The following ENOSF1 variants were observed in gnomAD, a reference collection of about 807,000 sequenced individuals.
The protein encoded by ENOSF1 is mitochondrial enolase superfamily member 1.
ENOSF1 carries 73 observed loss-of-function variants against 68.2 expected under a neutral mutation model. That is an observed-to-expected ratio of 1.07 (90% CI 0.89 to 1.30). The LOEUF is 1.30. Ranked by LOEUF, ENOSF1 falls within the 50% of genes most tolerant of loss-of-function variation. The pLI is 0.00. For missense variants in ENOSF1, 589 were observed against 554.5 expected (o/e 1.06, Z -0.62); for synonymous variants, 223 against 210.4 (o/e 1.06, Z -0.52).
intron 12 of ENOSF1, 129 bp downstream of exon 12, chr18:678,567 G>A: frequency 3.3e-6 from 3 of 899,334 alleles, no homozygotes; most frequent in Non-Finnish European, 5.4e-6. Flanking sequence ...CAGTTTCTAA[G>A]ATGATGAAAA....
In ENOSF1 at chr18:694,279, AC is replaced by A; in HGVS notation, c.364del (p.Val122CysfsTer29). ...HLATAAVLNA[V>X]WDLWAKQEGK... ...CTCCTGCTTGGCCCACAAGTCCCAC[AC>A]CGCGTTTAGGACGGCCGCTGTCGCC... On this transcript the variant is annotated frameshift_variant, in exon 4 of 16. Coordinates refer to ENST00000647584, the MANE Select transcript of ENOSF1 (RefSeq NM_017512.7). LOFTEE classifies it high-confidence loss of function. 6.2e-7 allele frequency: 1 copy of A among 1,614,130 alleles called. No individual in the cohort carries two copies. Among genetic ancestry groups the A allele is most frequent in the South Asian group, 1.1e-5 (1 of 91,074 alleles).
intron 10 of ENOSF1, 105 bp from the exon 11 acceptor site, chr18:683,485 G>A (rs2076305302): frequency 1.5e-6 from 2 of 1,367,206 alleles, no homozygotes; most frequent in Non-Finnish European, 2.0e-6. Flanking sequence ...ACCAACAGCT[G>A]AGTGAGACCC....
chr18:669,521 T>G (rs898652719), downstream of ENOSF1: 4 of 199,324 alleles, frequency 2.0e-5, no homozygotes, highest in African/African-American at 9.3e-5. Context: ...TACAGGCATG[T>G]GCCACCATGC....
At chr18:678,044 CGT>C (rs2144607270) in intron 12 of ENOSF1, 172 bp from the exon 13 acceptor site, 1 of 686,804 alleles carries the variant, frequency 1.5e-6, no homozygotes, top group South Asian at 2.0e-5. Context: ...GCTTTTATAG[CGT>C]GGGCAGGGAC....
intron 2 of ENOSF1, among the ~76,000 whole-genome samples, chr18:703,920 A>G (rs753803538): frequency 3.9e-5 from 6 of 151,966 alleles, no homozygotes; most frequent in Non-Finnish European, 8.8e-5. Context: ...TGGTGACTTA[A>G]AAGTGTGTAG....
At chr18:676,678 C>A (rs1175032995) in intron 14 of ENOSF1, among the ~76,000 whole-genome samples, 1 of 152,090 alleles carries the variant, frequency 6.6e-6, no homozygotes, top group Non-Finnish European at 1.5e-5. Context: ...TAAAATAGTT[C>A]GGCTATATTA....
At chr18:668,525 TG>T (rs1199215115), downstream of ENOSF1, among the ~76,000 whole-genome samples, 7 of 152,200 alleles carry the variant, frequency 4.6e-5, no homozygotes, top group Admixed American at 2.6e-4. Context: ...TGTGTTGAGC[TG>T]CTAAACTCTA....
intron 2 of ENOSF1, among the ~76,000 whole-genome samples, chr18:699,910 T>C (rs1280437824): frequency 6.6e-6 from 1 of 152,138 alleles, no homozygotes; most frequent in African/African-American, 2.4e-5. Flanking sequence ...TGAAACCCCA[T>C]CTCTACTAAA....
chr18:707,110 C>T (rs1161742259), intron 1 of ENOSF1, among the ~76,000 whole-genome samples: 1 of 152,068 alleles, frequency 6.6e-6, no homozygotes, highest in South Asian at 2.1e-4. Flanking sequence ...TGAGCCACCG[C>T]ACCTGGTCGC....
intron 5 of ENOSF1, chr18:692,848 C>T (rs942056116): frequency 1.2e-5 from 13 of 1,081,626 alleles, no homozygotes; most frequent in South Asian, 5.1e-5. Context: ...ATGTCAGAGA[C>T]GATGTGACAG....
chr18:667,201 GGT>G, downstream of ENOSF1, among the ~76,000 whole-genome samples: 1 of 86,714 alleles, frequency 1.2e-5, no homozygotes, highest in Non-Finnish European at 2.0e-5. Context: ...AGATGGTGAT[GGT>G]GATGGTGATG....
At chr18:712,248 G>A (rs940891908) in intron 1 of ENOSF1, 194 of 1,519,522 alleles carry the variant, frequency 1.3e-4, no homozygotes, top group Non-Finnish European at 1.5e-4. Flanking sequence ...GTCTCCCCCA[G>A]GCGCGCCTCC....
chr18:691,151 C>T (rs774918376), intron 6 of ENOSF1, 45 bp from the exon 7 acceptor site: 2 of 1,613,492 alleles, frequency 1.2e-6, no homozygotes, highest in East Asian at 2.2e-5. Context: ...GGAAACAAAG[C>T]ATGCCACTAC....
At chr18:678,525 T>C in intron 12 of ENOSF1, 171 bp downstream of exon 12, 1 of 611,670 alleles carries the variant, frequency 1.6e-6, no homozygotes, top group Non-Finnish European at 2.9e-6. Context: ...AAACTTTTTC[T>C]ATATCTGACT....
At chr18:705,629 T>TTAAAGAATCTTAAAGAATC (rs1368221620) in intron 2 of ENOSF1, among the ~76,000 whole-genome samples, 2 of 152,214 alleles carry the variant, frequency 1.3e-5, no homozygotes, top group Non-Finnish European at 2.9e-5. Flanking sequence ...GAATCTGCTC[T>TTAAAGAATCTTAAAGAATC]TCCCCAAGGG....
chr18:700,021 A>G (rs1051944548), intron 2 of ENOSF1, among the ~76,000 whole-genome samples: 17 of 152,202 alleles, frequency 1.1e-4, no homozygotes, highest in African/African-American at 3.9e-4. Flanking sequence ...TGGAGGTTGC[A>G]GTGAGCCAAG....
the ENOSF1 span, among the ~76,000 whole-genome samples, chr18:663,894 G>A: frequency 9.0e-6 from 1 of 110,868 alleles, no homozygotes; most frequent in East Asian, 3.0e-4. Flanking sequence ...TTTGGTACCA[G>A]TACCATACTG....
At chr18:688,833 T>C (rs1399738097) in intron 8 of ENOSF1, among the ~76,000 whole-genome samples, 3 of 152,212 alleles carry the variant, frequency 2.0e-5, no homozygotes, top group Non-Finnish European at 2.9e-5. Context: ...ATTTTTTTAA[T>C]GGTCACAACC....
Position 674,239 on chromosome 18 carries a change from A to G in ENOSF1, c.*66T>C. The G allele has an allele frequency of 8.8e-7, 1 of 1,140,608 alleles. No individual in the cohort carries two copies. The highest frequency in any genetic ancestry group is 2.2e-4 in the Middle Eastern group (1 of 4,588). 70.7% of individuals were successfully genotyped at this position (1,140,608 alleles called of 1,614,324 possible). On this transcript the variant is annotated 3_prime_UTR_variant, in exon 16 of 16. Transcript: ENST00000647584. ...AGGATTTTTTAAATCCATTTTTGTAAAACTATTTCCAAGAAATTTTAAGCC... is the reference window on the plus strand; with the variant it reads ...AGGATTTTTTAAATCCATTTTTGTAGAACTATTTCCAAGAAATTTTAAGCC...
Sources: allele counts gnomAD v4.1 joint callset (sites outside exome capture counted in the v4.1 genomes callset), GRCh38; gene constraint gnomAD v4.1.1; transcripts MANE v1.5; gene names NCBI Gene and HGNC (gene_info 2026-07-23, HGNC 2026-07-21).